Variants in ADAMTS17 observed in about 807,000 individuals in gnomAD.
The protein encoded by ADAMTS17 is A disintegrin and metalloproteinase with thrombospondin motifs 17.
A neutral mutation model predicts 141.5 loss-of-function variants in ADAMTS17; 113 were observed. The ratio of observed to expected loss-of-function variants is 0.80; its 90% CI spans 0.69 to 0.93. The LOEUF is 0.93. Ranked by LOEUF, ADAMTS17 falls within the 40% of genes least tolerant of loss-of-function variation. The pLI, the probability that ADAMTS17 is intolerant of heterozygous loss-of-function variation, is 0.00. For synonymous variants in ADAMTS17, 768 were observed against 630.6 expected (o/e 1.22, Z -3.27); for missense variants, 1,659 against 1,517.9 (o/e 1.09, Z -1.54).
At chr15:100,138,687 G>T (rs1046451900) in intron 10 of ADAMTS17, among the ~76,000 whole-genome samples, 16 of 152,188 alleles carry the variant, frequency 1.1e-4, no homozygotes, top group Non-Finnish European at 2.2e-4. Flanking sequence ...CCCAGAAGGA[G>T]AGAATAGAAA....
At chr15:100,304,926 T>C (rs1171594899) in intron 3 of ADAMTS17, among the ~76,000 whole-genome samples, 2 of 152,238 alleles carry the variant, frequency 1.3e-5, no homozygotes, top group East Asian at 1.9e-4. Flanking sequence ...ACTTAATAAA[T>C]AGTGAATATA....
intron 19 of ADAMTS17, among the ~76,000 whole-genome samples, chr15:99,995,521 C>T (rs144931703): frequency 8.5e-5 from 13 of 152,224 alleles, no homozygotes; most frequent in Middle Eastern, 3.4e-3. Flanking sequence ...CCATCAGGGG[C>T]GGGGCCTGCA....
At chr15:100,271,830 C>T (rs575741915) in intron 4 of ADAMTS17, among the ~76,000 whole-genome samples, 33 of 152,190 alleles carry the variant, frequency 2.2e-4, no homozygotes, top group Admixed American at 1.4e-3. Context: ...AAAACTTTTC[C>T]GTTTTTTCTT....
intron 19 of ADAMTS17, among the ~76,000 whole-genome samples, chr15:99,994,356 A>T (rs1472134379): frequency 6.6e-6 from 1 of 151,810 alleles, no homozygotes; most frequent in African/African-American, 2.4e-5. Context: ...AGTAGTTCAC[A>T]CCCATAATCC....
At chr15:100,281,146 A>G in intron 4 of ADAMTS17, 83 bp downstream of exon 4, 1 of 1,568,592 alleles carries the variant, frequency 6.4e-7, no homozygotes, top group Non-Finnish European at 8.7e-7. Flanking sequence ...ACTTGAGGAG[A>G]TGAGGACACA....
intron 8 of ADAMTS17, among the ~76,000 whole-genome samples, chr15:100,196,035 T>C (rs1251932239): frequency 6.6e-6 from 1 of 152,212 alleles, no homozygotes; most frequent in Non-Finnish European, 1.5e-5. Context: ...CACAGTACCC[T>C]GCACATAGTA....
intron 8 of ADAMTS17, among the ~76,000 whole-genome samples, chr15:100,170,271 CT>C (rs2040110835): frequency 6.6e-6 from 1 of 152,176 alleles, no homozygotes. Flanking sequence ...ATGGTAACTC[CT>C]TTCACAGTTG....
chr15:100,212,929 A>G (rs1302223500), intron 7 of ADAMTS17, among the ~76,000 whole-genome samples: 3 of 152,142 alleles, frequency 2.0e-5, no homozygotes, highest in Non-Finnish European at 4.4e-5. Context: ...AGGTGCACGC[A>G]TTTAATTTAG....
chr15:100,323,780 G>C (rs1296861370), intron 3 of ADAMTS17, among the ~76,000 whole-genome samples: 1 of 151,694 alleles, frequency 6.6e-6, no homozygotes, highest in Non-Finnish European at 1.5e-5. Context: ...ACATGACTGT[G>C]AGTGATAAAT....
At chr15:100,264,833 G>T (rs998274947) in intron 4 of ADAMTS17, among the ~76,000 whole-genome samples, 1 of 152,128 alleles carries the variant, frequency 6.6e-6, no homozygotes, top group Non-Finnish European at 1.5e-5. Context: ...AAATGGGAAG[G>T]TGTTTAATGG....
At chr15:100,025,414 C>CTT (rs530003718) in intron 18 of ADAMTS17, among the ~76,000 whole-genome samples, 113 of 135,932 alleles carry the variant, frequency 8.3e-4, no homozygotes, top group African/African-American at 2.1e-3. Flanking sequence ...CTTTTCTTTT[C>CTT]TTTTTTTTTT....
intron 14 of ADAMTS17, among the ~76,000 whole-genome samples, chr15:100,104,227 G>C (rs190358878): frequency 6.6e-6 from 1 of 152,180 alleles, no homozygotes; most frequent in Non-Finnish European, 1.5e-5. Context: ...TTAACCCGGT[G>C]TCTCTCCTTC....
intron 2 of ADAMTS17, among the ~76,000 whole-genome samples, chr15:100,339,553 C>T (rs913961730): frequency 2.8e-4 from 43 of 152,044 alleles, no homozygotes; most frequent in African/African-American, 9.6e-4. Flanking sequence ...CTTAAGCCTC[C>T]TTGCCTACAA....
At chr15:100,111,854 AG>A (rs1406652646) in intron 13 of ADAMTS17, among the ~76,000 whole-genome samples, 7 of 152,220 alleles carry the variant, frequency 4.6e-5, no homozygotes, top group African/African-American at 1.7e-4. Flanking sequence ...CAGGGCTCAC[AG>A]GAAGTGCTCG....
intron 3 of ADAMTS17, among the ~76,000 whole-genome samples, chr15:100,298,243 G>A (rs1249220261): frequency 6.6e-6 from 1 of 152,162 alleles, no homozygotes; most frequent in Non-Finnish European, 1.5e-5. Flanking sequence ...ATAAAATGAA[G>A]AAACCCAGGC....
At chr15:100,300,807 A>C (rs907551820) in intron 3 of ADAMTS17, among the ~76,000 whole-genome samples, 1 of 152,196 alleles carries the variant, frequency 6.6e-6, no homozygotes, top group Admixed American at 6.5e-5. Context: ...CTCCACCTGG[A>C]AAGTTATTAT....
At chr15:100,074,028 A>G (rs1470030730) in intron 15 of ADAMTS17, 2 of 152,380 alleles carry the variant, frequency 1.3e-5, no homozygotes, top group Non-Finnish European at 2.9e-5. Context: ...ATAAATAATA[A>G]TATCACAATA....
intron 14 of ADAMTS17, among the ~76,000 whole-genome samples, chr15:100,101,747 T>G (rs2036115446): frequency 6.6e-6 from 1 of 152,230 alleles, no homozygotes; most frequent in South Asian, 2.1e-4. Context: ...GAATTGGGAC[T>G]TCCTCGTACA....
At chr15:100,249,040 C>G (rs1478829939) in intron 7 of ADAMTS17, among the ~76,000 whole-genome samples, 1 of 152,058 alleles carries the variant, frequency 6.6e-6, no homozygotes, top group Non-Finnish European at 1.5e-5. Context: ...CTCACGTGAT[C>G]CGCCCACCTC....
Sources: allele counts gnomAD v4.1 joint callset (sites outside exome capture counted in the v4.1 genomes callset), GRCh38; gene constraint gnomAD v4.1.1; transcripts MANE v1.5; gene names NCBI Gene and HGNC (gene_info 2026-07-23, HGNC 2026-07-21).